SMAP1: variants seen among roughly 807,000 people sequenced by gnomAD.
SMAP1 encodes the protein stromal membrane-associated protein 1.
Under a neutral mutation model 58.5 loss-of-function variants are expected in SMAP1, and 24 were observed. The ratio of observed to expected loss-of-function variants is 0.41; its 90% CI spans 0.30 to 0.58. The LOEUF is 0.58. SMAP1 is among the 20% of genes least tolerant of loss of function. The probability of loss-of-function intolerance (pLI) is 0.29; values close to 1 mark genes in which losing one functional copy is unlikely to be tolerated. For missense variants in SMAP1, 563 were observed against 566.3 expected (o/e 0.99, Z 0.06); for synonymous variants, 216 against 196.6 (o/e 1.10, Z -0.82).
intron 3 of SMAP1, among the ~76,000 whole-genome samples, chr6:70,765,590 A>G (rs897008132): frequency 1.3e-5 from 2 of 152,140 alleles, no homozygotes; most frequent in African/African-American, 2.4e-5. Context: ...AGCACCTCCT[A>G]CCATAATGAA....
intron 6 of SMAP1, among the ~76,000 whole-genome samples, chr6:70,818,725 A>C (rs1174327463): frequency 6.6e-6 from 1 of 152,132 alleles, no homozygotes; most frequent in African/African-American, 2.4e-5. Flanking sequence ...GCATTCCTCA[A>C]ACTGGATTGG....
chr6:70,751,563 A>G (rs1018715729), intron 2 of SMAP1, among the ~76,000 whole-genome samples: 27 of 150,838 alleles, frequency 1.8e-4, no homozygotes, highest in Admixed American at 1.8e-3. Flanking sequence ...CTTTTTTCAT[A>G]CTTGAAGTGT....
chr6:70,860,107 C>T (rs182726015), intron 10 of SMAP1, 93 bp from the exon 11 acceptor site: 149 of 1,411,448 alleles, frequency 1.1e-4, no homozygotes, highest in Non-Finnish European at 1.4e-4. Context: ...CTAGTTGTCA[C>T]ATTAATGAAA....
intron 1 of SMAP1, among the ~76,000 whole-genome samples, chr6:70,680,133 C>CAAT (rs1766640775): frequency 6.6e-6 from 1 of 151,548 alleles, no homozygotes; most frequent in Non-Finnish European, 1.5e-5. Context: ...ACAACAACAA[C>CAAT]AACAGAATGT....
At chr6:70,827,557 C>T (rs1582267317) in intron 6 of SMAP1, among the ~76,000 whole-genome samples, 1 of 152,232 alleles carries the variant, frequency 6.6e-6, no homozygotes, top group Admixed American at 6.5e-5. Context: ...GAAGAGGATA[C>T]TTTCTAATAT....
intron 10 of SMAP1, chr6:70,859,646 T>C: frequency 3.5e-6 from 1 of 289,678 alleles, no homozygotes; most frequent in Non-Finnish European, 6.3e-6. Context: ...TGCTTATATA[T>C]ATATATATTT....
chr6:70,712,794 TTTC>T (rs1350139912), intron 1 of SMAP1, among the ~76,000 whole-genome samples: 1 of 144,118 alleles, frequency 6.9e-6, no homozygotes, highest in African/African-American at 2.5e-5. Context: ...CTTTTTTTCT[TTTC>T]TTTTTTTTTT....
At chr6:70,710,517 G>C (rs1262835001) in intron 1 of SMAP1, among the ~76,000 whole-genome samples, 4 of 144,818 alleles carry the variant, frequency 2.8e-5, no homozygotes, top group East Asian at 4.0e-4. Flanking sequence ...AAAAAAAAAA[G>C]GGTAAACGGC....
chr6:70,751,584 G>GA (rs928013943), intron 2 of SMAP1, among the ~76,000 whole-genome samples: 10 of 143,828 alleles, frequency 7.0e-5, no homozygotes, highest in South Asian at 4.5e-4. Flanking sequence ...GAGATAAAGA[G>GA]AAAAAAAAAT....
intron 3 of SMAP1, among the ~76,000 whole-genome samples, chr6:70,766,943 C>G (rs1011429887): frequency 3.9e-5 from 6 of 151,960 alleles, no homozygotes; most frequent in African/African-American, 1.4e-4. Context: ...AGGAAGGGAT[C>G]CAGTTTCAGC....
At chr6:70,770,710 C>T (rs758708490) in intron 3 of SMAP1, among the ~76,000 whole-genome samples, 19 of 152,242 alleles carry the variant, frequency 1.2e-4, no homozygotes, top group Middle Eastern at 3.4e-3. Context: ...TCTTGTTGCT[C>T]GGAGTAGTTT....
chr6:70,843,760 G>C (rs764069391), intron 7 of SMAP1, among the ~76,000 whole-genome samples: 1 of 152,152 alleles, frequency 6.6e-6, no homozygotes, highest in Non-Finnish European at 1.5e-5. Flanking sequence ...TAGCAGCTTC[G>C]TCTGGGAAAT....
chr6:70,747,929 A>C (rs141367438), intron 2 of SMAP1, among the ~76,000 whole-genome samples: 172 of 152,332 alleles, frequency 1.1e-3, no homozygotes, highest in African/African-American at 3.8e-3. Context: ...ATCATCATTA[A>C]AAAATTTGAA....
intron 3 of SMAP1, among the ~76,000 whole-genome samples, chr6:70,766,054 T>G (rs979116828): frequency 1.6e-4 from 25 of 152,056 alleles, no homozygotes; most frequent in South Asian, 4.2e-4. Context: ...TTTCATCCGT[T>G]TCCCTACAAA....
chr6:70,835,007 T>A (rs1770512814), intron 6 of SMAP1, among the ~76,000 whole-genome samples: 1 of 151,784 alleles, frequency 6.6e-6, no homozygotes, highest in African/African-American at 2.4e-5. Context: ...CCCAGCACTT[T>A]GGGAGGCCGA....
chr6:70,818,253 A>C (rs1278547154), intron 6 of SMAP1, among the ~76,000 whole-genome samples: 2 of 151,906 alleles, frequency 1.3e-5, no homozygotes, highest in Non-Finnish European at 2.9e-5. Context: ...AAAAAAAAAA[A>C]AAATTAGCTG....
At chr6:70,728,958 C>T (rs1027473521) in intron 1 of SMAP1, among the ~76,000 whole-genome samples, 18 of 152,136 alleles carry the variant, frequency 1.2e-4, no homozygotes, top group Admixed American at 8.5e-4. Flanking sequence ...CTTTCTTAGC[C>T]CAATTACTCT....
chr6:70,729,625 C>G (rs1050094162), intron 1 of SMAP1, among the ~76,000 whole-genome samples: 3 of 152,034 alleles, frequency 2.0e-5, no homozygotes, highest in African/African-American at 7.2e-5. Flanking sequence ...TCCACGAGGA[C>G]CCTCATGCTT....
intron 4 of SMAP1, among the ~76,000 whole-genome samples, chr6:70,778,685 C>T (rs1398141979): frequency 6.6e-6 from 1 of 152,164 alleles, no homozygotes; most frequent in Non-Finnish European, 1.5e-5. Context: ...GTTCTTGGGT[C>T]CCCAGGTGGA....
Sources: gnomAD v4.1 joint callset for allele counts (sites outside exome capture counted in the v4.1 genomes callset) on GRCh38, gnomAD v4.1.1 for gene constraint, MANE v1.5 for transcripts, NCBI Gene and HGNC (gene_info 2026-07-23, HGNC 2026-07-21) for gene names.